The following TRIM26 variants were observed in gnomAD, a reference collection of about 807,000 sequenced individuals.
TRIM26 encodes tripartite motif containing 26.
In TRIM26, 16 loss-of-function variants were observed where a neutral mutation model predicts 45.5. The observed-to-expected ratio is 0.35, with a 90% CI of 0.24 to 0.53. The LOEUF is 0.53. Ranked by LOEUF, TRIM26 falls within the 20% of genes least tolerant of loss-of-function variation. TRIM26 has a pLI of 0.92. For missense variants in TRIM26, 442 were observed against 691.1 expected, an observed-to-expected ratio of 0.64 and a Z score of 4.04; for synonymous variants, 273 against 290.4, an observed-to-expected ratio of 0.94 and a Z score of 0.61.
In TRIM26 at chr6:30,189,031, G is replaced by C. The variant is rs2127485135; in HGVS notation, c.937+136C>G. 1 of 906,504 alleles carries C rather than the reference G, an allele frequency of 1.1e-6. No homozygotes were observed. The highest frequency in any genetic ancestry group is 1.7e-6 in the Non-Finnish European group (1 of 583,914). The allele number at this position is 906,504 out of a possible 1,614,324, so 56.2% of individuals were successfully genotyped here. A position where few individuals can be genotyped will look rare whatever the true frequency, so the allele number is the denominator to read the frequency against. On this transcript the variant is annotated intron_variant, in intron 9 of 9. Coordinates refer to ENST00000454678, the MANE Select transcript of TRIM26 (RefSeq NM_003449.5). This position sits in a 1 kb window ranked among gnomAD's most constrained non-coding sequence, Gnocchi z 5.0. ...ATTAGAAAGTGCAAAGAGGGAGGGG[G>C]GCTTCTATTGTGCAGCTGGGAAATT...
chr6:30,194,838 G>C (rs1276417730), intron 6 of TRIM26, among the ~76,000 whole-genome samples: 1 of 152,202 alleles, frequency 6.6e-6, no homozygotes, highest in Non-Finnish European at 1.5e-5. Context: ...GGAGATTACA[G>C]TGAGCTGAGA....
At chr6:30,210,124 G>C (rs938737121) in intron 1 of TRIM26, among the ~76,000 whole-genome samples, 1 of 151,848 alleles carries the variant, frequency 6.6e-6, no homozygotes, top group African/African-American at 2.4e-5. Flanking sequence ...AGAATCGCTT[G>C]AACCCAGGAG....
chr6:30,193,941 G>A (rs571668317), intron 6 of TRIM26, among the ~76,000 whole-genome samples: 2 of 152,248 alleles, frequency 1.3e-5, no homozygotes, highest in African/African-American at 4.8e-5. Context: ...CAACTTTACT[G>A]AATTTGTTTA....
Position 30,186,305 on chromosome 6 carries a change from C to T in TRIM26, c.1191G>A (p.Glu397=). 1 of 1,592,148 alleles carries T rather than the reference C, an allele frequency of 6.3e-7. No homozygotes were observed. Among genetic ancestry groups the T allele is most frequent in the South Asian group, 1.1e-5 (1 of 90,488 alleles). ...CATCCCCATAGCCGGCCTCCTCTTC[C>T]TCCTCCTCCTCTTCTCCCTCTTCCT... ...DEEEEGEEEE[E]EEEAGYGDGY... The change falls in exon 10 of 10, where the codon GAG becomes GAA. Residue 397 remains glutamate, a synonymous_variant. Transcript: ENST00000454678. The surrounding 1 kb of genome is among the most constrained non-coding windows in gnomAD (Gnocchi z 7.4).
Position 30,185,873 on chromosome 6 carries a change from G to C in TRIM26, c.*3C>G, listed in dbSNP as rs1227910395. 1 of 1,607,320 alleles carries C rather than the reference G, an allele frequency of 6.2e-7. No homozygotes were observed. Among genetic ancestry groups the C allele is most frequent in the Non-Finnish European group, 8.5e-7 (1 of 1,176,324 alleles). ...GGTTGGGGCTGGGGGCAGATGTCAG[G>C]GCTCAGGGTCTTAGCAGGAGGCGTG... On this transcript the variant is annotated 3_prime_UTR_variant, in exon 10 of 10. Transcript: ENST00000454678. The surrounding 1 kb of genome is among the most constrained non-coding windows in gnomAD (Gnocchi z 5.7).
chr6:30,195,262 G>A (rs141165872), intron 6 of TRIM26, among the ~76,000 whole-genome samples: 1 of 152,332 alleles, frequency 6.6e-6, no homozygotes, highest in East Asian at 1.9e-4. Flanking sequence ...GTGAGGAGAG[G>A]AAGGAGAAGA....
chr6:30,186,288 T>C lies in TRIM26; in HGVS notation c.1208A>G (p.Tyr403Cys). 1 of 1,608,368 alleles carries C rather than the reference T, an allele frequency of 6.2e-7. No individual in the cohort carries two copies. The highest frequency in any genetic ancestry group is 8.5e-7 in the Non-Finnish European group (1 of 1,176,376). Residue 403 changes from tyrosine (Y) to cysteine (C), a missense_variant, in exon 10 of 10, where the codon TAT becomes TGT. Coordinates refer to ENST00000454678, the MANE Select transcript of TRIM26 (RefSeq NM_003449.5). The surrounding 1 kb of genome is among the most constrained non-coding windows in gnomAD (Gnocchi z 7.4). The stretch of plus-strand genomic sequence containing the variant: ...TTCCCAGTCGTCATATCCATCCCCA[T>C]AGCCGGCCTCCTCTTCCTCCTCCTC... The part of the protein sequence containing the change: ...EEEEEEEEAG[Y>C]GDGYDDWETD...
At position 30,213,399 on chromosome 6, in the gene TRIM26, G is replaced by A. The variant is rs1223013818; in HGVS notation, c.-470C>T. ...CCGCTCCTGCACGAGCAACCAGCGC[G>A]ACAGCTCGTCCCCGCCCCGTAATCT... On this transcript the variant is annotated 5_prime_UTR_variant, in exon 1 of 10. Transcript: ENST00000454678. 6.6e-6 allele frequency: 1 copy of A among 152,298 alleles called. No homozygotes were observed. Among genetic ancestry groups the A allele is most frequent in the Non-Finnish European group, 1.5e-5 (1 of 68,080 alleles). 9.4% of individuals were successfully genotyped at this position (152,298 alleles called of 1,614,324 possible). A position where few individuals can be genotyped will look rare whatever the true frequency, so the allele number is the denominator to read the frequency against.
Position 30,186,039 on chromosome 6 carries a change from G to A in TRIM26, c.1457C>T (p.Pro486Leu). 1 of 1,606,024 alleles carries A rather than the reference G, an allele frequency of 6.2e-7. No homozygotes were observed. The highest frequency in any genetic ancestry group is 8.5e-7 in the Non-Finnish European group (1 of 1,176,752). The change falls in exon 10 of 10, where the codon CCC (proline) becomes CTC (leucine). Residue 486 changes from proline to leucine, a missense_variant. By Grantham distance (98) the Pro-to-Leu change is moderately conservative. Coordinates refer to ENST00000454678, the MANE Select transcript of TRIM26 (RefSeq NM_003449.5). The surrounding 1 kb of genome is among the most constrained non-coding windows in gnomAD (Gnocchi z 7.4). ...PEAELFPALR[P>L]RRVGIALDYE... The stretch of plus-strand genomic sequence containing the variant: ...ATCCAGGGCGATGCCCACTCTCCGG[G>A]GCCGCAGTGCTGGGAAAAGCTCAGC...
rs186328145 is a variant in TRIM26, at chr6:30,202,158, C to T, written c.-265-1020G>A. 4.4e-3 allele frequency among the ~76,000 whole-genome samples: 676 copies of T among 152,154 alleles called. 2 individuals carry two copies. The highest frequency in any genetic ancestry group is 0.011 in the African/African-American group (476 of 41,478). ...AGAACAATAAAAGGACTATGAAGAG[C>T]TCAGCTACAGCTCTTCTTCCATGCA... On this transcript the variant is annotated intron_variant, in intron 2 of 9. Coordinates refer to ENST00000454678, the MANE Select transcript of TRIM26 (RefSeq NM_003449.5).
At chr6:30,203,631 G>A (rs577957300) in intron 2 of TRIM26, among the ~76,000 whole-genome samples, 67 of 152,094 alleles carry the variant, frequency 4.4e-4, no homozygotes, top group African/African-American at 1.5e-3. Flanking sequence ...TGGCCAGGCT[G>A]GTCTCAAACT....
Position 30,185,633 on chromosome 6 carries a change from G to A in TRIM26, c.*243C>T. On this transcript the variant is annotated 3_prime_UTR_variant, in exon 10 of 10. Coordinates refer to ENST00000454678, the MANE Select transcript of TRIM26 (RefSeq NM_003449.5). The surrounding 1 kb of genome is among the most constrained non-coding windows in gnomAD (Gnocchi z 5.7). ...AGGAAAGGAGCCCTCATGGACTCCAGGGTCAGAAGTTCCCTCGGGAAACCA... is the reference window on the plus strand; with the variant it reads ...AGGAAAGGAGCCCTCATGGACTCCAAGGTCAGAAGTTCCCTCGGGAAACCA... 1.8e-6 allele frequency: 1 copy of A among 561,164 alleles called. No individual in the cohort carries two copies. The highest frequency in any genetic ancestry group is 3.1e-6 in the Non-Finnish European group (1 of 319,788). 34.8% of individuals were successfully genotyped at this position (561,164 alleles called of 1,614,324 possible).
In TRIM26 at chr6:30,209,301, C is replaced by CA. The variant is rs1183447988; in HGVS notation, c.-376+4003dup. Among the ~76,000 whole-genome samples the CA allele has an allele frequency of 1.1e-4, 16 of 152,038 alleles. No homozygotes were observed. Among genetic ancestry groups the CA allele is most frequent in the African/African-American group, 3.9e-4 (16 of 41,368 alleles). On this transcript the variant is annotated intron_variant, in intron 1 of 9. Coordinates refer to ENST00000454678, the MANE Select transcript of TRIM26 (RefSeq NM_003449.5). This position sits in a 1 kb window ranked among gnomAD's most constrained non-coding sequence, Gnocchi z 4.8. ...CAATTGCATGTCATAATTTAACTGG[C>CA]AAAATATTTTTTTGATGTGGAGCAT... is the stretch of plus-strand genomic sequence containing the variant.
intron 6 of TRIM26, among the ~76,000 whole-genome samples, chr6:30,193,553 T>C (rs1480199367): frequency 6.6e-6 from 1 of 152,114 alleles, no homozygotes; most frequent in East Asian, 1.9e-4. Context: ...TTTGGCCATT[T>C]GGGGTTTTTT....
rs888400284 is a variant in TRIM26, at chr6:30,207,796, G to A, written c.-375-3031C>T. Among the ~76,000 whole-genome samples the A allele has an allele frequency of 3.9e-5, 6 of 152,028 alleles. No homozygotes were observed. The East Asian group carries it at 7.7e-4, about 20-fold the overall frequency. ...ATGCTCTTTCCTGGCTAAGCCCTTC[G>A]ACAATGTAATTCCTTCTGCCTAGAA... is the stretch of plus-strand genomic sequence containing the variant. On this transcript the variant is annotated intron_variant, in intron 1 of 9. Coordinates refer to ENST00000454678, the MANE Select transcript of TRIM26 (RefSeq NM_003449.5). The surrounding 1 kb of genome is among the most constrained non-coding windows in gnomAD (Gnocchi z 4.9).
Position 30,196,376 on chromosome 6 carries a change from T to C in TRIM26, c.765+140A>G. ...ATGCTCATGCAATCTACAGACTAAT[T>C]GGCAGCAGTAAGGATTATCATCTCC... On this transcript the variant is annotated intron_variant, in intron 6 of 9. Transcript: ENST00000454678. This position sits in a 1 kb window ranked among gnomAD's most constrained non-coding sequence, Gnocchi z 4.9. 1 of 750,168 alleles carries C rather than the reference T, an allele frequency of 1.3e-6. No individual in the cohort carries two copies. Among genetic ancestry groups the C allele is most frequent in the South Asian group, 1.8e-5 (1 of 56,190 alleles). 46.5% of individuals were successfully genotyped at this position (750,168 alleles called of 1,614,324 possible). A position where few individuals can be genotyped will look rare whatever the true frequency, so the allele number is the denominator to read the frequency against.
chr6:30,207,244 A>C lies in TRIM26; in HGVS notation c.-375-2479T>G, dbSNP rs1271871609. Among the ~76,000 whole-genome samples, 1 of 152,192 alleles carries C rather than the reference A, an allele frequency of 6.6e-6. No individual in the cohort carries two copies. Among genetic ancestry groups the C allele is most frequent in the Non-Finnish European group, 1.5e-5 (1 of 68,032 alleles). ...AGCCCTGGGAAGCCATTGAGGGTTT[A>C]AGCAGCAGGATGTTGAAAGTTATTC... On this transcript the variant is annotated intron_variant, in intron 1 of 9. Transcript: ENST00000454678. The surrounding 1 kb of genome is among the most constrained non-coding windows in gnomAD (Gnocchi z 4.9).
At chr6:30,197,611 T>C (rs1296707069) in intron 5 of TRIM26, among the ~76,000 whole-genome samples, 1 of 152,174 alleles carries the variant, frequency 6.6e-6, no homozygotes, top group African/African-American at 2.4e-5. Flanking sequence ...GGGTGATGGG[T>C]TCCAGGATCT....
intron 9 of TRIM26, chr6:30,187,031 T>C (rs759144560): frequency 2.0e-5 from 7 of 352,576 alleles, no homozygotes; most frequent in South Asian, 2.8e-5. Flanking sequence ...TGAAACACAA[T>C]AACTATGTGA....
Sources: gnomAD v4.1 joint callset for allele counts (sites outside exome capture counted in the v4.1 genomes callset) on GRCh38, gnomAD v4.1.1 for gene constraint, Gnocchi (gnomAD v3.1) non-coding constraint, MANE v1.5 for transcripts, NCBI Gene and HGNC (gene_info 2026-07-23, HGNC 2026-07-21) for gene names.